JAKMIP1: variants seen among roughly 807,000 people sequenced by gnomAD.
The protein encoded by JAKMIP1 is janus kinase and microtubule-interacting protein 1.
JAKMIP1 carries 33 observed loss-of-function variants against 113.0 expected under a neutral mutation model. The ratio of observed to expected loss-of-function variants is 0.29; its 90% CI spans 0.22 to 0.39. The LOEUF (loss-of-function observed/expected upper bound fraction) is 0.39. JAKMIP1 is among the 10% of genes least tolerant of loss of function. JAKMIP1 has a pLI of 1.00. For missense variants in JAKMIP1, 813 were observed against 1,080.5 expected, an observed-to-expected ratio of 0.75 and a Z score of 3.47; for synonymous variants, 480 against 459.9, an observed-to-expected ratio of 1.04 and a Z score of -0.56.
intron 3 of JAKMIP1, among the ~76,000 whole-genome samples, chr4:6,087,470 C>G (rs1258419103): frequency 6.6e-6 from 1 of 152,158 alleles, no homozygotes; most frequent in Non-Finnish European, 1.5e-5. Flanking sequence ...TTAATCTCTT[C>G]TAGCCCCTAG....
intron 18 of JAKMIP1, among the ~76,000 whole-genome samples, chr4:6,039,585 C>T (rs146398091): frequency 1.5e-4 from 23 of 152,252 alleles, no homozygotes; most frequent in African/African-American, 5.5e-4. Flanking sequence ...TGTCTCCATT[C>T]GTTAGTTGCC....
Position 6,155,389 on chromosome 4 carries a change from T to C in JAKMIP1, c.-147-42392A>G, listed in dbSNP as rs572082117. ...TTATATTTAACCCTCAAGAGAACCC[T>C]AAAACATAGGTATTCTAGAGATTTA... On this transcript the variant is annotated intron_variant, in intron 1 of 20. Transcript: ENST00000409021. The surrounding 1 kb of genome is among the most constrained non-coding windows in gnomAD (Gnocchi z 6.1). 2.0e-5 allele frequency among the ~76,000 whole-genome samples: 3 copies of C among 152,112 alleles called. No homozygotes were observed. Among genetic ancestry groups the C allele is most frequent in the South Asian group, 2.1e-4 (1 of 4,818 alleles).
At chr4:6,070,839 AC>A (rs985902686) in intron 8 of JAKMIP1, among the ~76,000 whole-genome samples, 1 of 151,630 alleles carries the variant, frequency 6.6e-6, no homozygotes, top group Non-Finnish European at 1.5e-5. Context: ...TAATAGAAAA[AC>A]TGATTTTTTT....
Position 6,137,808 on chromosome 4 carries a change from A to C in JAKMIP1, c.-147-24811T>G, listed in dbSNP as rs1168499835. On this transcript the variant is annotated intron_variant, in intron 1 of 20. Coordinates refer to ENST00000409021, the MANE Select transcript of JAKMIP1 (RefSeq NM_001099433.2). The surrounding 1 kb of genome is among the most constrained non-coding windows in gnomAD (Gnocchi z 4.5). ...CAAGTGAGAGCCAGGTGGGGATAGGACAAGGTGCCCACTGGCTGGCATGGG... is the reference window on the plus strand; with the variant it reads ...CAAGTGAGAGCCAGGTGGGGATAGGCCAAGGTGCCCACTGGCTGGCATGGG... Among the ~76,000 whole-genome samples, 2 of 152,252 alleles carry C rather than the reference A, an allele frequency of 1.3e-5. No homozygotes were observed. Among genetic ancestry groups the C allele is most frequent in the Non-Finnish European group, 2.9e-5 (2 of 68,034 alleles).
In JAKMIP1 at chr4:6,135,051, T is replaced by G. The variant is rs1347222303; in HGVS notation, c.-147-22054A>C. Among the ~76,000 whole-genome samples the G allele has an allele frequency of 6.7e-6, 1 of 150,112 alleles. No individual in the cohort carries two copies. The highest frequency in any genetic ancestry group is 6.6e-5 in the Admixed American group (1 of 15,090). ...AGGTGTAGGGCTCGTGTATCTCTGG[T>G]CTGGTATCGTTGGGGCAGAGCTGCT... On this transcript the variant is annotated intron_variant, in intron 1 of 20. Coordinates refer to ENST00000409021, the MANE Select transcript of JAKMIP1 (RefSeq NM_001099433.2). The surrounding 1 kb of genome is among the most constrained non-coding windows in gnomAD (Gnocchi z 4.9).
At chr4:6,170,507 C>T (rs1323061469) in intron 1 of JAKMIP1, among the ~76,000 whole-genome samples, 3 of 147,150 alleles carry the variant, frequency 2.0e-5, no homozygotes, top group Non-Finnish European at 4.5e-5. Flanking sequence ...CCTTCTATCA[C>T]CACCACCATC....
chr4:6,060,324 C>A, intron 11 of JAKMIP1, 100 bp downstream of exon 11: 1 of 874,226 alleles, frequency 1.1e-6, no homozygotes. Context: ...CCTGATCCAG[C>A]CCCACAGAAT....
chr4:6,105,703 G>GCGC lies in JAKMIP1; in HGVS notation c.391_393dup (p.Ala131dup). 1 of 1,603,532 alleles carries GCGC rather than the reference G, an allele frequency of 6.2e-7. No individual in the cohort carries two copies. The highest frequency in any genetic ancestry group is 8.5e-7 in the Non-Finnish European group (1 of 1,178,166). On this transcript the variant is annotated inframe_insertion, in exon 3 of 21. Coordinates refer to ENST00000409021, the MANE Select transcript of JAKMIP1 (RefSeq NM_001099433.2). Reference sequence around the variant, plus strand: ...GCCTCCTCGCGCGCCTCGGTCAGCAGCGCCGTCTTGACCTTGTCGGCCGCG... The same window carrying GCGC: ...GCCTCCTCGCGCGCCTCGGTCAGCAGCGCCGCCGTCTTGACCTTGTCGGCCGCG...
At position 6,063,516 on chromosome 4, in the gene JAKMIP1, C is replaced by T. The variant is rs74402399; in HGVS notation, c.1432-1076G>A. 8.4e-3 allele frequency among the ~76,000 whole-genome samples: 1,283 copies of T among 152,302 alleles called. 10 individuals are homozygous for T. Among genetic ancestry groups the T allele is most frequent in the African/African-American group, 0.029 (1,203 of 41,554 alleles). On this transcript the variant is annotated intron_variant, in intron 9 of 20. Transcript: ENST00000409021. Reference sequence around the variant, plus strand: ...CACTGGCCTGGCCCCTCCCTCCAGCCGGCACTTGGGCTGAGGCTGGTGGGC... The same window carrying T: ...CACTGGCCTGGCCCCTCCCTCCAGCTGGCACTTGGGCTGAGGCTGGTGGGC...
intron 1 of JAKMIP1, among the ~76,000 whole-genome samples, chr4:6,123,891 C>G (rs1717050299): frequency 1.3e-5 from 2 of 152,190 alleles, no homozygotes; most frequent in African/African-American, 4.8e-5. Context: ...ACCTCATTTT[C>G]CAATTATAGG....
chr4:6,139,680 C>T lies in JAKMIP1; in HGVS notation c.-147-26683G>A, dbSNP rs373675913. Among the ~76,000 whole-genome samples the T allele has an allele frequency of 1.3e-3, 203 of 152,084 alleles. 2 individuals are homozygous for T. In the Middle Eastern group the frequency reaches 0.017, roughly 13 times the overall value. On this transcript the variant is annotated intron_variant, in intron 1 of 20. Coordinates refer to ENST00000409021, the MANE Select transcript of JAKMIP1 (RefSeq NM_001099433.2). The surrounding 1 kb of genome is among the most constrained non-coding windows in gnomAD (Gnocchi z 5.2). ...ACTTGGGAGGCTGAGGCAGGAGAAT[C>T]GCCTGAACCCAGGAGGCGGAGGTTG...
In JAKMIP1 at chr4:6,027,095, C is replaced by A. The variant is rs201425445; in HGVS notation, c.2446-817G>T. On this transcript the variant is annotated intron_variant, in intron 20 of 20. Coordinates refer to ENST00000409021, the MANE Select transcript of JAKMIP1 (RefSeq NM_001099433.2). ...AGAGAAAAAAAAAATCAGGGAAAGA[C>A]GGTCTTAACGGGAGGAAAAATTAAA... 9.2e-5 allele frequency among the ~76,000 whole-genome samples: 14 copies of A among 151,744 alleles called. No individual in the cohort carries two copies. In the East Asian group the frequency reaches 2.5e-3, roughly 27 times the overall value.
intron 2 of JAKMIP1, among the ~76,000 whole-genome samples, chr4:6,110,965 A>C (rs1010694000): frequency 2.0e-5 from 3 of 151,778 alleles, no homozygotes; most frequent in African/African-American, 7.3e-5. Context: ...ACAGGTCAGC[A>C]TCACCAGCAT....
chr4:6,044,391 C>T lies in JAKMIP1; in HGVS notation c.2029-2164G>A, dbSNP rs1714727618. Among the ~76,000 whole-genome samples, 1 of 152,108 alleles carries T rather than the reference C, an allele frequency of 6.6e-6. No homozygotes were observed. The highest frequency in any genetic ancestry group is 2.4e-5 in the African/African-American group (1 of 41,418). ...AACAGAGGGGACTAGAACTGATCGG[C>T]TCCTGCCACAGAACTCCTTCCCTAA... On this transcript the variant is annotated intron_variant, in intron 16 of 20. Transcript: ENST00000409021. This position sits in a 1 kb window ranked among gnomAD's most constrained non-coding sequence, Gnocchi z 4.4.
chr4:6,151,168 A>C (rs543461310), intron 1 of JAKMIP1, among the ~76,000 whole-genome samples: 78 of 152,272 alleles, frequency 5.1e-4, no homozygotes, highest in African/African-American at 1.8e-3. Flanking sequence ...AGCACCCTAC[A>C]TGCCAAAAAT....
At position 6,142,325 on chromosome 4, in the gene JAKMIP1, G is replaced by A. The variant is rs1423840326; in HGVS notation, c.-147-29328C>T. ...GCTCGTACCCATGTATGCCCGCACA[G>A]GCAGGGGAAAGGGAGCCCCCGGGAG... On this transcript the variant is annotated intron_variant, in intron 1 of 20. Coordinates refer to ENST00000409021, the MANE Select transcript of JAKMIP1 (RefSeq NM_001099433.2). The surrounding 1 kb of genome is among the most constrained non-coding windows in gnomAD (Gnocchi z 5.5). 1.3e-5 allele frequency among the ~76,000 whole-genome samples: 2 copies of A among 152,168 alleles called. No homozygotes were observed. Among genetic ancestry groups the A allele is most frequent in the African/African-American group, 4.8e-5 (2 of 41,430 alleles).
chr4:6,121,660 C>T (rs552297320), intron 1 of JAKMIP1, among the ~76,000 whole-genome samples: 3 of 152,360 alleles, frequency 2.0e-5, no homozygotes, highest in African/African-American at 7.2e-5. Flanking sequence ...CCTCGGCACA[C>T]GCCATCTACT....
In JAKMIP1 at chr4:6,086,428, G is replaced by C. The variant is rs1320228300; in HGVS notation, c.625-799C>G. Among the ~76,000 whole-genome samples the C allele has an allele frequency of 6.6e-6, 1 of 151,736 alleles. No homozygotes were observed. The highest frequency in any genetic ancestry group is 1.5e-5 in the Non-Finnish European group (1 of 67,978). The stretch of plus-strand genomic sequence containing the variant: ...GCTGGCTGCCTGACACCTCTGCTTG[G>C]ATCTCGGAGGGACCACAGCCTCTCC... On this transcript the variant is annotated intron_variant, in intron 3 of 20. Transcript: ENST00000409021. The surrounding 1 kb of genome is among the most constrained non-coding windows in gnomAD (Gnocchi z 4.1).
At position 6,155,880 on chromosome 4, in the gene JAKMIP1, G is replaced by T. The variant is rs1332011060; in HGVS notation, c.-147-42883C>A. 1.3e-5 allele frequency among the ~76,000 whole-genome samples: 2 copies of T among 152,102 alleles called. No individual in the cohort carries two copies. The highest frequency in any genetic ancestry group is 2.9e-5 in the Non-Finnish European group (2 of 68,024). On this transcript the variant is annotated intron_variant, in intron 1 of 20. Transcript: ENST00000409021. The surrounding 1 kb of genome is among the most constrained non-coding windows in gnomAD (Gnocchi z 6.1). Reference sequence around the variant, plus strand: ...CATGAATGGCACTCTCTAGAGGTGGGGCCTGGCAATCTTAAGTTTGCACAT... The same window carrying T: ...CATGAATGGCACTCTCTAGAGGTGGTGCCTGGCAATCTTAAGTTTGCACAT...
Sources: allele counts gnomAD v4.1 joint callset (sites outside exome capture counted in the v4.1 genomes callset), GRCh38; gene constraint gnomAD v4.1.1; non-coding constraint Gnocchi (gnomAD v3.1); transcripts MANE v1.5; gene names NCBI Gene and HGNC (gene_info 2026-07-23, HGNC 2026-07-21).